The following ADAMTS18 variants were observed in gnomAD, a reference collection of about 807,000 sequenced individuals.
ADAMTS18 encodes A disintegrin and metalloproteinase with thrombospondin motifs 18.
A neutral mutation model predicts 165.9 loss-of-function variants in ADAMTS18; 157 were observed. The ratio of observed to expected loss-of-function variants is 0.95; its 90% CI spans 0.83 to 1.08. The LOEUF is 1.08. ADAMTS18 is among the 50% of genes least tolerant of loss of function. The probability of loss-of-function intolerance (pLI) is 0.00; values close to 1 mark genes in which losing one functional copy is unlikely to be tolerated. For synonymous variants in ADAMTS18, 782 were observed against 578.2 expected, an observed-to-expected ratio of 1.35 and a Z score of -5.06; for missense variants, 2,040 against 1,534.0, an observed-to-expected ratio of 1.33 and a Z score of -5.51.
At chr16:77,384,831 TTA>T (rs199961829) in intron 3 of ADAMTS18, among the ~76,000 whole-genome samples, 82,113 of 151,782 alleles carry the variant, frequency 0.54, 22,659 homozygotes, top group East Asian at 0.71. Context: ...TCAGATTTTT[TTA>T]AAAAATCTCA....
chr16:77,425,949 G>C (rs1303499152), intron 3 of ADAMTS18, among the ~76,000 whole-genome samples: 3 of 152,108 alleles, frequency 2.0e-5, no homozygotes, highest in Non-Finnish European at 4.4e-5. Context: ...GGGAGGCTGA[G>C]GCAGGAGAAT....
chr16:77,434,324 G>C, intron 2 of ADAMTS18, 94 bp downstream of exon 2: 2 of 1,395,616 alleles, frequency 1.4e-6, no homozygotes, highest in East Asian at 2.5e-5. Flanking sequence ...TGCCAGGTTA[G>C]GGGGTGCGCT....
intron 12 of ADAMTS18, among the ~76,000 whole-genome samples, chr16:77,327,418 G>GAGAAC (rs1354880483): frequency 6.6e-6 from 1 of 152,066 alleles, no homozygotes; most frequent in Non-Finnish European, 1.5e-5. Flanking sequence ...ACATATGAAT[G>GAGAAC]AGAACATACA....
intron 3 of ADAMTS18, among the ~76,000 whole-genome samples, chr16:77,417,670 T>C (rs2057548195): frequency 6.6e-6 from 1 of 152,360 alleles, no homozygotes; most frequent in Admixed American, 6.5e-5. Context: ...AAGTGGCATA[T>C]GTATACATGT....
rs1039486123 is a variant in ADAMTS18, at chr16:77,397,010, T to C, written c.496-29287A>G. ...TTTTAGTAGAGCTAAGGTTTCACCA[T>C]GTTGGCCAGGCTGGTCTCGAACTCC... On this transcript the variant is annotated intron_variant, in intron 3 of 22. Coordinates refer to ENST00000282849, the MANE Select transcript of ADAMTS18 (RefSeq NM_199355.4). Among the ~76,000 whole-genome samples, 12 of 152,176 alleles carry C rather than the reference T, an allele frequency of 7.9e-5. No homozygotes were observed. The East Asian group carries it at 2.1e-3, about 27-fold the overall frequency.
At chr16:77,302,197 A>AATAC (rs1413826009) in intron 16 of ADAMTS18, among the ~76,000 whole-genome samples, 14 of 152,110 alleles carry the variant, frequency 9.2e-5, no homozygotes, top group African/African-American at 3.4e-4. Context: ...ATATTAAGTA[A>AATAC]ATACAGAAAC....
chr16:77,337,825 A>C (rs2056333380), intron 11 of ADAMTS18, among the ~76,000 whole-genome samples: 1 of 152,232 alleles, frequency 6.6e-6, no homozygotes, highest in Non-Finnish European at 1.5e-5. Context: ...GCACACATTC[A>C]CATGAATAGG....
At chr16:77,300,163 G>C in intron 17 of ADAMTS18, 100 bp downstream of exon 17, 1 of 1,385,398 alleles carries the variant, frequency 7.2e-7, no homozygotes. Context: ...GACAGTTCTT[G>C]GGTGGCTTAT....
intron 4 of ADAMTS18, 34 bp downstream of exon 4, chr16:77,367,407 T>A (rs779069962): frequency 6.2e-7 from 1 of 1,613,370 alleles, no homozygotes; most frequent in South Asian, 1.1e-5. Flanking sequence ...GAGGCCCACA[T>A]AAGAACAGAA....
At chr16:77,409,479 G>A (rs2057433590) in intron 3 of ADAMTS18, among the ~76,000 whole-genome samples, 1 of 152,116 alleles carries the variant, frequency 6.6e-6, no homozygotes, top group Non-Finnish European at 1.5e-5. Context: ...AAGCTGATAT[G>A]ACAGGATAAA....
intron 22 of ADAMTS18, among the ~76,000 whole-genome samples, chr16:77,288,234 G>T (rs2055293115): frequency 6.6e-6 from 1 of 152,072 alleles, no homozygotes; most frequent in African/African-American, 2.4e-5. Context: ...CATTGTCGTT[G>T]GGGGTGCTGG....
intron 16 of ADAMTS18, among the ~76,000 whole-genome samples, chr16:77,303,874 T>TA (rs1160613991): frequency 2.0e-5 from 3 of 151,878 alleles, no homozygotes; most frequent in Non-Finnish European, 4.4e-5. Flanking sequence ...CTAAAAATAT[T>TA]AAAAAACAAG....
At position 77,342,715 on chromosome 16, in the gene ADAMTS18, C is replaced by T. The variant is rs182207804; in HGVS notation, c.1615-916G>A. Among the ~76,000 whole-genome samples the T allele has an allele frequency of 3.2e-4, 48 of 152,266 alleles. No individual in the cohort carries two copies. In the South Asian group the frequency reaches 7.0e-3, roughly 22 times the overall value. ...CAGAATAATGGCCCCCAAAGATGTT[C>T]GCATACTAATCCTGGGATCCTGTGA... On this transcript the variant is annotated intron_variant, in intron 10 of 22. Coordinates refer to ENST00000282849, the MANE Select transcript of ADAMTS18 (RefSeq NM_199355.4).
chr16:77,313,262 G>A (rs1477361538), intron 16 of ADAMTS18, among the ~76,000 whole-genome samples: 1 of 151,996 alleles, frequency 6.6e-6, no homozygotes, highest in Non-Finnish European at 1.5e-5. Context: ...CTTGGACACA[G>A]GAAGGGGAAG....
At position 77,346,505 on chromosome 16, in the gene ADAMTS18, G is replaced by T. The variant is rs186439660; in HGVS notation, c.1615-4706C>A. 3.6e-3 allele frequency among the ~76,000 whole-genome samples: 548 copies of T among 152,202 alleles called. 3 individuals carry two copies. Among genetic ancestry groups the T allele is most frequent in the Non-Finnish European group, 6.0e-3 (410 of 68,010 alleles). ...ATAACATGAAAGAACCTGGCAAACAGTATATGCTAAAAAAAACTGGATAAT... is the reference window on the plus strand; with the variant it reads ...ATAACATGAAAGAACCTGGCAAACATTATATGCTAAAAAAAACTGGATAAT... On this transcript the variant is annotated intron_variant, in intron 10 of 22. Transcript: ENST00000282849.
chr16:77,331,944 T>C (rs2056196424), intron 12 of ADAMTS18, among the ~76,000 whole-genome samples: 1 of 152,234 alleles, frequency 6.6e-6, no homozygotes, highest in East Asian at 1.9e-4. Flanking sequence ...GTACCATTCA[T>C]CTTTTTTAAA....
intron 3 of ADAMTS18, among the ~76,000 whole-genome samples, chr16:77,428,555 A>T (rs916158843): frequency 6.6e-6 from 1 of 152,164 alleles, no homozygotes; most frequent in African/African-American, 2.4e-5. Context: ...GAGCAACTGG[A>T]ACTCTCATAC....
At chr16:77,335,630 T>C in intron 12 of ADAMTS18, 126 bp downstream of exon 12, 1 of 1,192,624 alleles carries the variant, frequency 8.4e-7, no homozygotes. Flanking sequence ...TAAATATGTA[T>C]AACCATTATG....
At chr16:77,364,468 G>A in intron 4 of ADAMTS18, 87 bp from the exon 5 acceptor site, 1 of 1,424,144 alleles carries the variant, frequency 7.0e-7, no homozygotes, top group South Asian at 1.2e-5. Flanking sequence ...AAGGGAAGAA[G>A]AGAAACTATG....
Sources: gnomAD v4.1 joint callset for allele counts (sites outside exome capture counted in the v4.1 genomes callset) on GRCh38, gnomAD v4.1.1 for gene constraint, MANE v1.5 for transcripts, NCBI Gene and HGNC (gene_info 2026-07-23, HGNC 2026-07-21) for gene names.